Variants in KHDRBS2 observed in about 807,000 individuals in gnomAD.
KHDRBS2 encodes the protein KH domain-containing, RNA-binding, signal transduction-associated protein 2.
In KHDRBS2, 26 loss-of-function variants were observed where a neutral mutation model predicts 44.3. That is an observed-to-expected ratio of 0.59 (90% CI 0.43 to 0.81). The LOEUF (loss-of-function observed/expected upper bound fraction) is 0.81. Ranked by LOEUF, KHDRBS2 falls within the 40% of genes least tolerant of loss-of-function variation. The probability of loss-of-function intolerance (pLI) is 0.00; values close to 1 mark genes in which losing one functional copy is unlikely to be tolerated. For synonymous variants in KHDRBS2, 194 were observed against 151.1 expected (o/e 1.28, Z -2.08); for missense variants, 476 against 433.1 (o/e 1.10, Z -0.88).
intron 6 of KHDRBS2, among the ~76,000 whole-genome samples, chr6:61,796,630 A>C (rs1785392538): frequency 1.3e-5 from 2 of 152,044 alleles, no homozygotes; most frequent in Admixed American, 6.6e-5. Flanking sequence ...ATAATGACAA[A>C]AGAATCTACA....
chr6:61,767,120 T>C (rs1780128175), intron 6 of KHDRBS2, among the ~76,000 whole-genome samples: 1 of 152,124 alleles, frequency 6.6e-6, no homozygotes, highest in Non-Finnish European at 1.5e-5. Context: ...TATTTCTTTA[T>C]ATATCTGGGT....
At chr6:61,662,960 T>C in the KHDRBS2 span, among the ~76,000 whole-genome samples, 1 of 151,976 alleles carries the variant, frequency 6.6e-6, no homozygotes, top group African/African-American at 2.4e-5. Context: ...CGTATGTTTA[T>C]AGCGGCACTA....
At chr6:61,637,368 AT>A in the KHDRBS2 span, among the ~76,000 whole-genome samples, 2 of 152,028 alleles carry the variant, frequency 1.3e-5, no homozygotes, top group Non-Finnish European at 2.9e-5. Context: ...TGAACTCATC[AT>A]TTTTTATGGC....
chr6:62,050,257 C>T (rs908042410), intron 2 of KHDRBS2, among the ~76,000 whole-genome samples: 5 of 151,936 alleles, frequency 3.3e-5, no homozygotes, highest in East Asian at 2.0e-4. Context: ...AATACATGCA[C>T]GCAGGGAGGG....
At chr6:61,722,141 G>A (rs1191821416) in intron 7 of KHDRBS2, among the ~76,000 whole-genome samples, 2 of 152,114 alleles carry the variant, frequency 1.3e-5, no homozygotes, top group African/African-American at 4.8e-5. Context: ...ACTTGATCAT[G>A]GTGGATAAGC....
intron 1 of KHDRBS2, among the ~76,000 whole-genome samples, chr6:62,257,251 G>C (rs1227899627): frequency 6.6e-6 from 1 of 152,020 alleles, no homozygotes; most frequent in Non-Finnish European, 1.5e-5. Flanking sequence ...TATGATTTTT[G>C]TTGTCATCCC....
intron 1 of KHDRBS2, among the ~76,000 whole-genome samples, chr6:62,255,786 C>T (rs918837942): frequency 1.2e-4 from 18 of 151,972 alleles, no homozygotes; most frequent in African/African-American, 3.1e-4. Context: ...CCATCCTATA[C>T]GCTTTTACAT....
chr6:62,121,099 G>A (rs895357863), intron 2 of KHDRBS2, among the ~76,000 whole-genome samples: 5 of 152,060 alleles, frequency 3.3e-5, no homozygotes, highest in African/African-American at 7.2e-5. Flanking sequence ...GGGTCCAGTC[G>A]GTCCCTGGGC....
the KHDRBS2 span, among the ~76,000 whole-genome samples, chr6:61,618,161 A>C: frequency 6.6e-6 from 1 of 152,194 alleles, no homozygotes; most frequent in African/African-American, 2.4e-5. Flanking sequence ...TGAATGCCTG[A>C]ATCAATTAAT....
chr6:61,610,087 A>T, the KHDRBS2 span, among the ~76,000 whole-genome samples: 1 of 152,062 alleles, frequency 6.6e-6, no homozygotes, highest in African/African-American at 2.4e-5. Context: ...GAGGCAGGAG[A>T]ATGGCGTGAA....
At chr6:61,978,671 A>AT (rs1397099200) in intron 3 of KHDRBS2, among the ~76,000 whole-genome samples, 1 of 152,088 alleles carries the variant, frequency 6.6e-6, no homozygotes, top group Non-Finnish European at 1.5e-5. Flanking sequence ...CTTGATTGTG[A>AT]TAAAAAGTAG....
At chr6:62,247,063 AT>A (rs1835696788) in intron 1 of KHDRBS2, among the ~76,000 whole-genome samples, 1 of 152,004 alleles carries the variant, frequency 6.6e-6, no homozygotes, top group African/African-American at 2.4e-5. Flanking sequence ...AGGGAAGCAG[AT>A]TTCCTCTTAA....
chr6:61,905,658 T>C lies in KHDRBS2; in HGVS notation c.484-4287A>G, dbSNP rs568344082. On this transcript the variant is annotated intron_variant, in intron 4 of 8. Coordinates refer to ENST00000281156, the MANE Select transcript of KHDRBS2 (RefSeq NM_152688.4). ...ATGTATAGAGACAGAACTTTTCTAATCATAATTTTAATGCAAATTTATATC... is the reference window on the plus strand; with the variant it reads ...ATGTATAGAGACAGAACTTTTCTAACCATAATTTTAATGCAAATTTATATC... Among the ~76,000 whole-genome samples the C allele has an allele frequency of 1.1e-4, 16 of 152,288 alleles. No individual in the cohort carries two copies. In the South Asian group the frequency reaches 3.3e-3, roughly 32 times the overall value.
chr6:62,033,462 C>T (rs529414144), intron 3 of KHDRBS2, among the ~76,000 whole-genome samples: 14 of 151,860 alleles, frequency 9.2e-5, no homozygotes, highest in African/African-American at 3.4e-4. Context: ...ACTAAAGCAG[C>T]AAGATAAAAG....
chr6:61,997,218 T>G (rs1349096545), intron 3 of KHDRBS2, among the ~76,000 whole-genome samples: 1 of 152,224 alleles, frequency 6.6e-6, no homozygotes, highest in Admixed American at 6.5e-5. Context: ...AAAGTGTAGC[T>G]TTTAGCTGCC....
chr6:62,206,644 A>G (rs1370111976), intron 1 of KHDRBS2, among the ~76,000 whole-genome samples: 1 of 152,084 alleles, frequency 6.6e-6, no homozygotes, highest in African/African-American at 2.4e-5. Context: ...AATAATTTTG[A>G]TAATACTAAC....
At chr6:62,114,296 A>G (rs1805697711) in intron 2 of KHDRBS2, among the ~76,000 whole-genome samples, 1 of 152,162 alleles carries the variant, frequency 6.6e-6, no homozygotes, top group South Asian at 2.1e-4. Flanking sequence ...TCTCTTGCAT[A>G]AAACATTTAT....
chr6:61,840,935 A>T (rs1028950940), intron 6 of KHDRBS2, among the ~76,000 whole-genome samples: 2 of 152,150 alleles, frequency 1.3e-5, no homozygotes, highest in African/African-American at 4.8e-5. Context: ...CTCAGTGACC[A>T]CTGGAGGCCA....
chr6:61,680,413 T>C lies in KHDRBS2; in HGVS notation c.*550A>G, dbSNP rs1365202929. On this transcript the variant is annotated 3_prime_UTR_variant, in exon 9 of 9. Coordinates refer to ENST00000281156, the MANE Select transcript of KHDRBS2 (RefSeq NM_152688.4). ...CAGTTAGCTACATACATACAGTAGCTGCTTGTTTTCAACCCCATTAAAACA... is the reference window on the plus strand; with the variant it reads ...CAGTTAGCTACATACATACAGTAGCCGCTTGTTTTCAACCCCATTAAAACA... The C allele has an allele frequency of 6.6e-6, 1 of 152,184 alleles. No individual in the cohort carries two copies. Among genetic ancestry groups the C allele is most frequent in the African/African-American group, 2.4e-5 (1 of 41,394 alleles). The allele number at this position is 152,184 out of a possible 1,614,324, so 9.4% of individuals were successfully genotyped here.
Sources: gnomAD v4.1 joint callset for allele counts (sites outside exome capture counted in the v4.1 genomes callset) on GRCh38, gnomAD v4.1.1 for gene constraint, MANE v1.5 for transcripts, NCBI Gene and HGNC (gene_info 2026-07-23, HGNC 2026-07-21) for gene names.